Variants in SERPINB2 observed in about 807,000 individuals in gnomAD.
SERPINB2 encodes the protein plasminogen activator inhibitor 2.
A neutral mutation model predicts 39.4 loss-of-function variants in SERPINB2; 28 were observed. The observed-to-expected ratio is 0.71, with a 90% CI of 0.53 to 0.97. SERPINB2 has a LOEUF of 0.97. Among genes scored for constraint, SERPINB2 ranks in the 50% least tolerant of loss-of-function variants. The pLI, the probability that SERPINB2 is intolerant of heterozygous loss-of-function variation, is 0.00. For synonymous variants in SERPINB2, 209 were observed against 175.1 expected (o/e 1.19, Z -1.53); for missense variants, 557 against 505.3 (o/e 1.10, Z -0.98).
chr18:63,893,741 A>T (rs1346373910), intron 2 of SERPINB2, among the ~76,000 whole-genome samples: 1 of 152,250 alleles, frequency 6.6e-6, no homozygotes, highest in African/African-American at 2.4e-5. Flanking sequence ...TAAGGCACTT[A>T]GTAGCAGTTG....
At chr18:63,895,472 C>G (rs945693026) in intron 3 of SERPINB2, 89 bp downstream of exon 3, 3 of 1,465,674 alleles carry the variant, frequency 2.0e-6, no homozygotes, top group Non-Finnish European at 1.9e-6. Flanking sequence ...GGGAAGGAAG[C>G]GAATATACCC....
At chr18:63,896,111 T>C (rs1338838774) in intron 3 of SERPINB2, among the ~76,000 whole-genome samples, 1 of 152,162 alleles carries the variant, frequency 6.6e-6, no homozygotes, top group Admixed American at 6.5e-5. Context: ...TATGAAGAGG[T>C]ATCTCCCAAA....
chr18:63,902,423 A>T lies in SERPINB2; in HGVS notation c.698A>T (p.Gln233Leu). 6.2e-7 allele frequency: 1 copy of T among 1,612,726 alleles called. No individual in the cohort carries two copies. Among genetic ancestry groups the T allele is most frequent in the Non-Finnish European group, 8.5e-7 (1 of 1,179,278 alleles). ...RVNSAQRTPVQMMYLREKLNI... is the reference protein window; with the variant it reads ...RVNSAQRTPVLMMYLREKLNI... The stretch of plus-strand genomic sequence containing the variant: ...TATTAGGCTCAGCGCACACCTGTAC[A>T]GATGATGTACTTGCGTGAAAAGCTA... Residue 233 changes from glutamine to leucine, a missense_variant, in exon 7 of 8, where the codon CAG (glutamine) becomes CTG (leucine). Physicochemically the swap from Gln to Leu is moderately radical, Grantham distance 113. Transcript: ENST00000299502.
intron 7 of SERPINB2, 36 bp from the exon 8 acceptor site, chr18:63,902,865 T>A: frequency 1.3e-6 from 2 of 1,508,748 alleles, no homozygotes; most frequent in South Asian, 2.7e-5. Context: ...CTTGCTGTAT[T>A]TTCTTTTGTT....
rs1599057162 is a variant in SERPINB2, at chr18:63,891,541, T to C, written c.97T>C (p.Trp33Arg). 2 of 1,614,168 alleles carry C rather than the reference T, an allele frequency of 1.2e-6. No homozygotes were observed. The highest frequency in any genetic ancestry group is 1.7e-6 in the Non-Finnish European group (2 of 1,180,002). The change falls in exon 2 of 8, where the codon TGG becomes CGG. Residue 33 changes from tryptophan (W) to arginine (R), a missense_variant. Physicochemically the swap from Trp to Arg is moderately radical, Grantham distance 101 (BLOSUM62 -3). Coordinates refer to ENST00000299502, the MANE Select transcript of SERPINB2 (RefSeq NM_002575.3). ...CACCCAGAACCTCTTCCTCTCCCCA[T>C]GGAGCATCTCGTCCACCATGGCCAT... ...SPTQNLFLSP[W>R]SISSTMAMVY...
chr18:63,894,694 TCA>T (rs933899078), intron 2 of SERPINB2, among the ~76,000 whole-genome samples: 2 of 152,238 alleles, frequency 1.3e-5, no homozygotes, highest in Non-Finnish European at 2.9e-5. Context: ...ACGAAGAGAT[TCA>T]CAGTGTCATC....
intron 2 of SERPINB2, among the ~76,000 whole-genome samples, chr18:63,892,088 T>C (rs1445163026): frequency 6.7e-6 from 1 of 150,024 alleles, no homozygotes; most frequent in African/African-American, 2.5e-5. Context: ...TTCCTTCTAA[T>C]AATGTTAAGA....
At chr18:63,901,994 A>G (rs1936083934) in intron 6 of SERPINB2, 112 bp downstream of exon 6, 3 of 1,028,886 alleles carry the variant, frequency 2.9e-6, no homozygotes, top group African/African-American at 3.4e-5. Context: ...GAAGTTATGC[A>G]TGTTGGACAG....
Position 63,895,293 on chromosome 18 carries a change from T to C in SERPINB2, c.198T>C (p.Asn66=). 1 of 1,614,118 alleles carries C rather than the reference T, an allele frequency of 6.2e-7. No homozygotes were observed. Among genetic ancestry groups the C allele is most frequent in the Non-Finnish European group, 8.5e-7 (1 of 1,179,982 alleles). Residue 66 remains asparagine (N), a synonymous_variant, in exon 3 of 8, where the codon AAT becomes AAC. Coordinates refer to ENST00000299502, the MANE Select transcript of SERPINB2 (RefSeq NM_002575.3). ...TTCAGTTTAATGAAGTGGGAGCCAA[T>C]GCAGTTACCCCCATGACTCCAGAGA... is the stretch of plus-strand genomic sequence containing the variant. The part of the protein sequence containing the change: ...KVLQFNEVGA[N]AVTPMTPENF...
chr18:63,901,941 A>G (rs967056047), intron 6 of SERPINB2, 59 bp downstream of exon 6: 24 of 1,510,776 alleles, frequency 1.6e-5, no homozygotes, highest in Admixed American at 2.4e-5. Context: ...GACAAGATAT[A>G]GACAGAAAAA....
chr18:63,897,053 C>G, intron 3 of SERPINB2, 38 bp from the exon 4 acceptor site: 1 of 1,591,916 alleles, frequency 6.3e-7, no homozygotes, highest in African/African-American at 1.3e-5. Flanking sequence ...TTTAGTAGTT[C>G]TGTGTTATAT....
chr18:63,897,345 C>A, intron 4 of SERPINB2, 126 bp downstream of exon 4: 3 of 1,174,136 alleles, frequency 2.6e-6, no homozygotes, highest in Non-Finnish European at 3.5e-6. Context: ...CTCCCTAGGG[C>A]TGGCCTTGCG....
At chr18:63,895,513 C>G in intron 3 of SERPINB2, 130 bp downstream of exon 3, 1 of 1,170,396 alleles carries the variant, frequency 8.5e-7, no homozygotes, top group Non-Finnish European at 1.2e-6. Context: ...AACTAAGACT[C>G]AGAGTCATTA....
At chr18:63,897,053 C>A in intron 3 of SERPINB2, 38 bp from the exon 4 acceptor site, 2 of 1,591,916 alleles carry the variant, frequency 1.3e-6, no homozygotes, top group African/African-American at 2.7e-5. Context: ...TTTAGTAGTT[C>A]TGTGTTATAT....
intron 1 of SERPINB2, chr18:63,890,205 T>C (rs1380651582): frequency 6.6e-6 from 1 of 152,084 alleles, no homozygotes; most frequent in African/African-American, 2.4e-5. Flanking sequence ...TTCCAATCAC[T>C]TTCTTAAAAA....
intron 3 of SERPINB2, among the ~76,000 whole-genome samples, chr18:63,896,398 G>T (rs930431008): frequency 2.7e-4 from 35 of 131,994 alleles, no homozygotes; most frequent in Admixed American, 1.1e-3. Flanking sequence ...TGCATAGTTT[G>T]CCCCATAAAA....
chr18:63,903,435 C>T lies in SERPINB2; in HGVS notation c.*130C>T, dbSNP rs971867097. Reference sequence around the variant, plus strand: ...TGCTCTTCTGAACAACTTCTGCTACCCACTAAATAAAAACACAGAAATAAT... The same window carrying T: ...TGCTCTTCTGAACAACTTCTGCTACTCACTAAATAAAAACACAGAAATAAT... On this transcript the variant is annotated 3_prime_UTR_variant, in exon 8 of 8. Transcript: ENST00000299502. 1 of 798,306 alleles carries T rather than the reference C, an allele frequency of 1.3e-6. No homozygotes were observed. Among genetic ancestry groups the T allele is most frequent in the Non-Finnish European group, 1.8e-6 (1 of 556,166 alleles). The allele number at this position is 798,306 out of a possible 1,614,324, so 49.5% of individuals were successfully genotyped here. A position where few individuals can be genotyped will look rare whatever the true frequency, so the allele number is the denominator to read the frequency against.
chr18:63,888,927 G>A (rs2049908737), intron 1 of SERPINB2, among the ~76,000 whole-genome samples: 1 of 152,180 alleles, frequency 6.6e-6, no homozygotes, highest in Non-Finnish European at 1.5e-5. Flanking sequence ...GCCTTGTTTT[G>A]AAAGATTTTC....
chr18:63,901,612 AAACTTTAGCTTGAAGATTAAC>A (rs2049991426), intron 5 of SERPINB2, 107 bp from the exon 6 acceptor site: 3 of 628,986 alleles, frequency 4.8e-6, no homozygotes. Flanking sequence ...TAAACCTAAA[AAACTTTAGCTTGAAGATTAAC>A]AACTCTGCAA....
Sources: gnomAD v4.1 joint callset for allele counts (sites outside exome capture counted in the v4.1 genomes callset) on GRCh38, gnomAD v4.1.1 for gene constraint, MANE v1.5 for transcripts, NCBI Gene and HGNC (gene_info 2026-07-23, HGNC 2026-07-21) for gene names.